METTL25: variants seen among roughly 807,000 people sequenced by gnomAD.
METTL25 encodes methyltransferase like 25, also known as probable methyltransferase-like protein 25.
A neutral mutation model predicts 71.6 loss-of-function variants in METTL25; 64 were observed. The ratio of observed to expected loss-of-function variants is 0.89; its 90% CI spans 0.73 to 1.10. METTL25 has a LOEUF of 1.10. Among genes scored for constraint, METTL25 ranks in the 50% least tolerant of loss-of-function variants. The pLI is 0.00. For missense variants in METTL25, 807 were observed against 707.0 expected (o/e 1.14, Z -1.60); for synonymous variants, 287 against 250.3 (o/e 1.15, Z -1.38).
intron 3 of METTL25, 52 bp from the exon 4 acceptor site, chr12:82,398,743 C>G: frequency 7.9e-7 from 1 of 1,258,730 alleles, no homozygotes; most frequent in Non-Finnish European, 1.1e-6. Context: ...AGAATGCTTT[C>G]TATTACCATT....
intron 5 of METTL25, among the ~76,000 whole-genome samples, chr12:82,418,970 T>A (rs1256561236): frequency 6.6e-6 from 1 of 152,106 alleles, no homozygotes; most frequent in East Asian, 1.9e-4. Context: ...AGGATCTAAA[T>A]CTACATCAGT....
intron 1 of METTL25, among the ~76,000 whole-genome samples, chr12:82,384,049 T>C (rs1232221435): frequency 6.6e-6 from 1 of 152,076 alleles, no homozygotes; most frequent in African/African-American, 2.4e-5. Context: ...TAAGAGTAAG[T>C]AAAGATGATA....
At chr12:82,395,785 C>T (rs1010885371) in intron 3 of METTL25, among the ~76,000 whole-genome samples, 3 of 151,962 alleles carry the variant, frequency 2.0e-5, no homozygotes, top group Non-Finnish European at 4.4e-5. Flanking sequence ...GGCATATGAT[C>T]CAGCAGGGAC....
intron 6 of METTL25, among the ~76,000 whole-genome samples, chr12:82,432,197 G>A (rs1011723336): frequency 6.6e-6 from 1 of 151,590 alleles, no homozygotes; most frequent in Non-Finnish European, 1.5e-5. Flanking sequence ...CTGTTACATA[G>A]CAATATAAGA....
intron 8 of METTL25, among the ~76,000 whole-genome samples, chr12:82,441,408 A>G (rs1325735606): frequency 1.3e-5 from 2 of 151,954 alleles, no homozygotes; most frequent in African/African-American, 4.8e-5. Flanking sequence ...ATGTACCCTT[A>G]GGAAAGCCAG....
chr12:82,398,778 T>C lies in METTL25; in HGVS notation c.532-17T>C, dbSNP rs1186600538. On this transcript the variant is annotated splice_polypyrimidine_tract_variant and intron_variant, in intron 3 of 11. Transcript: ENST00000248306. ...TTGCCTAAAATTCTTTAATTTATTC[T>C]TTTTTTCTAATCTTAGGTGATTGAC... 1.4e-6 allele frequency: 2 copies of C among 1,420,880 alleles called. No individual in the cohort carries two copies. The highest frequency in any genetic ancestry group is 2.9e-5 in the African/African-American group (2 of 69,068). The allele number at this position is 1,420,880 out of a possible 1,614,324, so 88.0% of individuals were successfully genotyped here.
intron 1 of METTL25, among the ~76,000 whole-genome samples, chr12:82,381,611 A>G (rs1433879850): frequency 6.6e-6 from 1 of 152,222 alleles, no homozygotes; most frequent in Non-Finnish European, 1.5e-5. Flanking sequence ...TTGGTACAGT[A>G]TAGGATTATG....
chr12:82,391,721 T>G (rs1049487932), intron 3 of METTL25, among the ~76,000 whole-genome samples: 1 of 82,332 alleles, frequency 1.2e-5, no homozygotes, highest in East Asian at 3.9e-4. Flanking sequence ...ATATACTGAT[T>G]TCCTTTTTTT....
intron 1 of METTL25, among the ~76,000 whole-genome samples, chr12:82,361,759 G>C: frequency 6.6e-6 from 1 of 152,318 alleles, no homozygotes; most frequent in Non-Finnish European, 1.5e-5. Context: ...GCGCTGGCCA[G>C]CAAGCGTGGC....
chr12:82,430,595 A>C (rs911901291), intron 5 of METTL25, among the ~76,000 whole-genome samples: 6 of 151,774 alleles, frequency 4.0e-5, no homozygotes, highest in Non-Finnish European at 8.9e-5. Context: ...GTTATATTGA[A>C]TATCAAGAGT....
intron 8 of METTL25, among the ~76,000 whole-genome samples, chr12:82,454,716 C>G (rs900786014): frequency 4.0e-5 from 6 of 151,866 alleles, no homozygotes; most frequent in Non-Finnish European, 8.8e-5. Context: ...AAGGACAACA[C>G]CCAGGAAACA....
intron 1 of METTL25, among the ~76,000 whole-genome samples, chr12:82,359,109 G>T (rs920549938): frequency 3.3e-5 from 5 of 152,154 alleles, no homozygotes; most frequent in African/African-American, 1.2e-4. Context: ...AATAATTGAC[G>T]CTAGGGAAAC....
At chr12:82,477,711 A>G (rs1474104552) in intron 11 of METTL25, among the ~76,000 whole-genome samples, 1 of 151,784 alleles carries the variant, frequency 6.6e-6, no homozygotes, top group Non-Finnish European at 1.5e-5. Context: ...TTGTCTTTTA[A>G]TTCACTTTTG....
At chr12:82,476,511 C>A in intron 9 of METTL25, 133 bp from the exon 10 acceptor site, 2 of 643,430 alleles carry the variant, frequency 3.1e-6, no homozygotes, top group Admixed American at 3.1e-5. Flanking sequence ...TCATGAATAT[C>A]CTTAGAGCGA....
At chr12:82,419,447 C>T (rs1888273648) in intron 5 of METTL25, among the ~76,000 whole-genome samples, 1 of 152,034 alleles carries the variant, frequency 6.6e-6, no homozygotes, top group South Asian at 2.1e-4. Context: ...GGATTGATTT[C>T]ATCAATGCTA....
intron 5 of METTL25, among the ~76,000 whole-genome samples, chr12:82,410,976 G>A (rs1887516356): frequency 6.6e-6 from 1 of 152,002 alleles, no homozygotes; most frequent in East Asian, 1.9e-4. Flanking sequence ...TTAAATATGA[G>A]CTCAAATCTT....
chr12:82,474,408 C>T (rs1396000704), intron 9 of METTL25: 1 of 152,200 alleles, frequency 6.6e-6, no homozygotes, highest in Non-Finnish European at 1.5e-5. Context: ...TATTCATTGC[C>T]TTGTCTCTTT....
chr12:82,374,914 G>C lies in METTL25; in HGVS notation c.260-11889G>C, dbSNP rs1427730260. ...TCTAGAGATGAAGGATGTGTGCTGAGACAAGGTGATGGCAGTGGAATAGAA... is the reference window on the plus strand; with the variant it reads ...TCTAGAGATGAAGGATGTGTGCTGACACAAGGTGATGGCAGTGGAATAGAA... On this transcript the variant is annotated intron_variant, in intron 1 of 11. Coordinates refer to ENST00000248306, the MANE Select transcript of METTL25 (RefSeq NM_032230.3). Among the ~76,000 whole-genome samples the C allele has an allele frequency of 2.0e-5, 3 of 152,190 alleles. No homozygotes were observed. In the East Asian group the frequency reaches 5.8e-4, roughly 29 times the overall value.
At chr12:82,408,851 T>C (rs1401862512) in intron 5 of METTL25, among the ~76,000 whole-genome samples, 4 of 152,102 alleles carry the variant, frequency 2.6e-5, no homozygotes, top group Non-Finnish European at 5.9e-5. Context: ...ATATTTCCTG[T>C]AATATATCAA....
Sources: gnomAD v4.1 joint callset for allele counts (sites outside exome capture counted in the v4.1 genomes callset) on GRCh38, gnomAD v4.1.1 for gene constraint, MANE v1.5 for transcripts, NCBI Gene and HGNC (gene_info 2026-07-23, HGNC 2026-07-21) for gene names.